The following SDK1 variants were observed in gnomAD, a reference collection of about 807,000 sequenced individuals.
The protein encoded by SDK1 is protein sidekick-1.
SDK1 carries 157 observed loss-of-function variants against 245.5 expected under a neutral mutation model. That is an observed-to-expected ratio of 0.64 (90% CI 0.56 to 0.73). The LOEUF (loss-of-function observed/expected upper bound fraction) is 0.73, where lower values mean the gene tolerates loss of function less well. Ranked by LOEUF, SDK1 falls within the 30% of genes least tolerant of loss-of-function variation. The probability of loss-of-function intolerance (pLI) is 0.00; values close to 1 mark genes in which losing one functional copy is unlikely to be tolerated. For missense variants in SDK1, 3,583 were observed against 3,002.3 expected (o/e 1.19, Z -4.52); for synonymous variants, 1,647 against 1,278.5 (o/e 1.29, Z -6.15).
At chr7:3,355,670 A>G (rs545318122) in intron 1 of SDK1, among the ~76,000 whole-genome samples, 1 of 152,274 alleles carries the variant, frequency 6.6e-6, no homozygotes, top group East Asian at 1.9e-4. Context: ...TCCACCGACA[A>G]ATCTATTCCT....
At chr7:3,787,332 C>G (rs1204849477) in intron 4 of SDK1, among the ~76,000 whole-genome samples, 1 of 152,120 alleles carries the variant, frequency 6.6e-6, no homozygotes, top group Non-Finnish European at 1.5e-5. Flanking sequence ...CTGATTAACT[C>G]AGGAAAACAC....
At chr7:3,669,447 C>A in intron 4 of SDK1, among the ~76,000 whole-genome samples, 1 of 152,132 alleles carries the variant, frequency 6.6e-6, no homozygotes, top group South Asian at 2.1e-4. Flanking sequence ...TGAGTTCTTA[C>A]TCTCCTTGAA....
At chr7:3,329,502 C>A (rs146697797) in intron 1 of SDK1, among the ~76,000 whole-genome samples, 3 of 152,260 alleles carry the variant, frequency 2.0e-5, no homozygotes, top group African/African-American at 7.2e-5. Flanking sequence ...CTAAAAGAAG[C>A]CTCACCCTTC....
chr7:4,112,197 A>T (rs1783393737), intron 23 of SDK1, among the ~76,000 whole-genome samples: 1 of 152,182 alleles, frequency 6.6e-6, no homozygotes, highest in Non-Finnish European at 1.5e-5. Context: ...CTGGAAAGGC[A>T]GGAAAGCTTG....
intron 35 of SDK1, among the ~76,000 whole-genome samples, 158 bp from the exon 36 acceptor site, chr7:4,205,721 C>G (rs890747610): frequency 1.3e-5 from 2 of 152,254 alleles, no homozygotes; most frequent in African/African-American, 4.8e-5. Flanking sequence ...ACATAACTGT[C>G]TAAGGCCTCC....
rs1778863814 is a variant in SDK1 at position 4,051,722 on chromosome 7, A to G, written c.2803A>G (p.Ile935Val). The change falls in exon 19 of 45, where the codon ATA (isoleucine) becomes GTA (valine). Residue 935 changes from isoleucine to valine, a missense_variant. Ile to Val is a conservative substitution (Grantham distance 29). Coordinates refer to ENST00000404826, the MANE Select transcript of SDK1 (RefSeq NM_152744.4). ...TTTCCACGGAGTCCACCATGGACAC[A>G]TAACGAACCTGAAGAAGTTTACCGC... ...PDFHGVHHGH[I>V]TNLKKFTAYF... 2 of 1,613,958 alleles carry G rather than the reference A, an allele frequency of 1.2e-6. No homozygotes were observed. Among genetic ancestry groups the G allele is most frequent in the South Asian group, 1.1e-5 (1 of 91,058 alleles).
intron 4 of SDK1, among the ~76,000 whole-genome samples, chr7:3,702,394 C>A (rs368293385): frequency 3.9e-5 from 6 of 152,200 alleles, no homozygotes; most frequent in African/African-American, 1.4e-4. Flanking sequence ...TTTCAACTCA[C>A]TTCTTGGAAG....
At position 4,228,891 on chromosome 7, in the gene SDK1, G is replaced by C. The variant is rs144221229; in HGVS notation, c.5828-4364G>C. Reference sequence around the variant, plus strand: ...TCGTTCACTGGGGAAGAGAAACCAGGCTGGCTCTTCCGGACATCCCAGAGA... The same window carrying C: ...TCGTTCACTGGGGAAGAGAAACCAGCCTGGCTCTTCCGGACATCCCAGAGA... On this transcript the variant is annotated intron_variant, in intron 40 of 44. Coordinates refer to ENST00000404826, the MANE Select transcript of SDK1 (RefSeq NM_152744.4). Among the ~76,000 whole-genome samples, 439 of 152,244 alleles carry C rather than the reference G, an allele frequency of 2.9e-3. 1 individual carries two copies. Among genetic ancestry groups the C allele is most frequent in the Non-Finnish European group, 3.1e-3 (212 of 68,022 alleles).
At chr7:3,806,351 T>C (rs576857240) in intron 4 of SDK1, among the ~76,000 whole-genome samples, 34 of 114,742 alleles carry the variant, frequency 3.0e-4, no homozygotes, top group East Asian at 1.7e-3. Flanking sequence ...AGGATGTGGA[T>C]GTCCACATTA....
At chr7:3,710,143 C>G (rs1477164301) in intron 4 of SDK1, among the ~76,000 whole-genome samples, 1 of 152,168 alleles carries the variant, frequency 6.6e-6, no homozygotes, top group Non-Finnish European at 1.5e-5. Flanking sequence ...AGAATTGATT[C>G]TCCTCTCATT....
chr7:4,066,940 CT>C (rs1779945725), intron 19 of SDK1, among the ~76,000 whole-genome samples: 2 of 152,222 alleles, frequency 1.3e-5, no homozygotes, highest in South Asian at 4.1e-4. Context: ...ACTCTCAGGT[CT>C]TTTCTCTGGG....
chr7:3,428,625 T>C (rs1007740974), intron 1 of SDK1, among the ~76,000 whole-genome samples: 2 of 152,214 alleles, frequency 1.3e-5, no homozygotes, highest in African/African-American at 4.8e-5. Flanking sequence ...CATAGCCCTA[T>C]AGGAACTCTG....
intron 42 of SDK1, among the ~76,000 whole-genome samples, chr7:4,241,423 C>T (rs1282476722): frequency 6.6e-6 from 1 of 152,078 alleles, no homozygotes; most frequent in Non-Finnish European, 1.5e-5. Context: ...TCACTTGAGC[C>T]CAGGAACTCG....
intron 7 of SDK1, 133 bp from the exon 8 acceptor site, chr7:3,958,798 G>A (rs1781455809): frequency 2.7e-6 from 2 of 737,298 alleles, no homozygotes; most frequent in Non-Finnish European, 4.6e-6. Flanking sequence ...TTCTGAGTTT[G>A]TATGCACGAT....
intron 5 of SDK1, among the ~76,000 whole-genome samples, chr7:3,919,506 A>G (rs1779513185): frequency 6.6e-6 from 1 of 152,128 alleles, no homozygotes. Context: ...TTGCACTCGT[A>G]CCCTCCCTGG....
intron 20 of SDK1, among the ~76,000 whole-genome samples, chr7:4,074,856 T>TTCTCTC (rs1159856321): frequency 8.4e-4 from 61 of 72,332 alleles, no homozygotes; most frequent in African/African-American, 4.8e-3. Context: ...GAGCAAGACT[T>TTCTCTC]TCTCTCTCTC....
chr7:3,601,322 T>C (rs554473770), intron 1 of SDK1, among the ~76,000 whole-genome samples: 2 of 152,318 alleles, frequency 1.3e-5, no homozygotes, highest in South Asian at 4.1e-4. Context: ...TTTGGTAGAA[T>C]TCTCCAGTGA....
chr7:3,521,660 C>G (rs745566964), intron 1 of SDK1, among the ~76,000 whole-genome samples: 1 of 152,008 alleles, frequency 6.6e-6, no homozygotes. Context: ...ACTGTGGATT[C>G]GATAGTCTAA....
chr7:3,600,133 G>C (rs1423865632), intron 1 of SDK1, among the ~76,000 whole-genome samples: 5 of 152,112 alleles, frequency 3.3e-5, no homozygotes, highest in African/African-American at 1.2e-4. Context: ...CAGCATACAG[G>C]TCATAATTTC....
Sources: allele counts gnomAD v4.1 joint callset (sites outside exome capture counted in the v4.1 genomes callset), GRCh38; gene constraint gnomAD v4.1.1; transcripts MANE v1.5; gene names NCBI Gene and HGNC (gene_info 2026-07-23, HGNC 2026-07-21).